Variants in DCX observed in about 807,000 individuals in gnomAD.
DCX encodes the protein neuronal migration protein doublecortin.
Under a neutral mutation model 20.9 loss-of-function variants are expected in DCX, and 4 were observed. The ratio of observed to expected loss-of-function variants is 0.19; its 90% CI spans 0.09 to 0.44. The LOEUF (loss-of-function observed/expected upper bound fraction) is 0.44, where lower values mean the gene tolerates loss of function less well. Among genes scored for constraint, DCX ranks in the 20% least tolerant of loss-of-function variants. The probability of loss-of-function intolerance (pLI) is 0.99; values close to 1 mark genes in which losing one functional copy is unlikely to be tolerated. For missense variants in DCX, 133 were observed against 296.9 expected (o/e 0.45, Z 4.06); for synonymous variants, 103 against 111.4 (o/e 0.92, Z 0.47).
At chrX:111,410,520 A>G (rs1928622564) in intron 1 of DCX, 100 bp from the exon 2 acceptor site, 15 of 1,066,866 alleles carry the variant, frequency 1.4e-5, no homozygotes, top group Admixed American at 4.6e-5. Context: ...CCAGATCCAG[A>G]TCTGCAATCT....
chrX:111,377,649 G>A (rs1348231397), intron 3 of DCX, among the ~76,000 whole-genome samples: 1 of 111,524 alleles, frequency 9.0e-6, no homozygotes, highest in Non-Finnish European at 1.9e-5. Context: ...GGAGGAGTGG[G>A]AATGCTTCCC....
At chrX:111,375,687 T>C (rs1247205391) in intron 3 of DCX, among the ~76,000 whole-genome samples, 4 of 111,922 alleles carry the variant, frequency 3.6e-5, no homozygotes, top group African/African-American at 1.3e-4. Flanking sequence ...ATAAAATCAG[T>C]TACCCAAGCC....
chrX:111,361,656 C>T (rs1924220394), intron 3 of DCX, among the ~76,000 whole-genome samples: 1 of 112,317 alleles, frequency 8.9e-6, no homozygotes, highest in African/African-American at 3.2e-5. Flanking sequence ...TATTTTCCAT[C>T]AAAGGCTCAT....
At chrX:111,356,706 A>T (rs767938270) in intron 3 of DCX, among the ~76,000 whole-genome samples, 2 of 112,259 alleles carry the variant, frequency 1.8e-5, no homozygotes, top group South Asian at 7.4e-4. Context: ...AATTAAACTG[A>T]CAGTTGAATG....
intron 3 of DCX, among the ~76,000 whole-genome samples, chrX:111,388,502 C>T: frequency 8.9e-6 from 1 of 111,774 alleles, no homozygotes; most frequent in Non-Finnish European, 1.9e-5. Flanking sequence ...TGCATTCTAC[C>T]CTATGGTCAT....
At chrX:111,346,062 T>C (rs1485483613) in intron 3 of DCX, among the ~76,000 whole-genome samples, 3 of 110,378 alleles carry the variant, frequency 2.7e-5, no homozygotes, top group Non-Finnish European at 5.7e-5. Context: ...TCTGTTCATA[T>C]CCCTTGCCCA....
chrX:111,385,042 C>T (rs963257611), intron 3 of DCX, among the ~76,000 whole-genome samples: 1 of 112,455 alleles, frequency 8.9e-6, no homozygotes, highest in Admixed American at 9.4e-5. Context: ...TCCTGTGTTG[C>T]GGGGCTTGGC....
chrX:111,353,606 T>C (rs1037777575), intron 3 of DCX, among the ~76,000 whole-genome samples: 1 of 111,781 alleles, frequency 8.9e-6, no homozygotes, highest in African/African-American at 3.3e-5. Context: ...ATCCTTTTTA[T>C]TATTATTTTA....
intron 3 of DCX, among the ~76,000 whole-genome samples, chrX:111,378,336 A>T (rs1925702999): frequency 9.0e-6 from 1 of 111,254 alleles, no homozygotes; most frequent in African/African-American, 3.3e-5. Context: ...TTACCTGGCT[A>T]GCTGCTTAAC....
Position 111,313,525 on chromosome X carries a change from A to AT in DCX, c.947-790dup, listed in dbSNP as rs779064477. Among the ~76,000 whole-genome samples the AT allele has an allele frequency of 1.5e-4, 17 of 112,143 alleles. 1 individual carries two copies. The South Asian group carries it at 6.4e-3, about 42-fold the overall frequency. The stretch of plus-strand genomic sequence containing the variant: ...AGGAAGTTGAAACAGGAAGAAAGGC[A>AT]TAGAGACACATAAAGATCCAAAATG... On this transcript the variant is annotated intron_variant, in intron 5 of 6. Transcript: ENST00000636035.
intron 5 of DCX, among the ~76,000 whole-genome samples, chrX:111,314,818 C>A (rs2095065870): frequency 8.9e-6 from 1 of 111,844 alleles, no homozygotes; most frequent in Non-Finnish European, 1.9e-5. Flanking sequence ...TTGCCAACAT[C>A]CTTTCATGTT....
At chrX:111,402,993 A>G (rs186174166) in intron 2 of DCX, among the ~76,000 whole-genome samples, 1 of 111,248 alleles carries the variant, frequency 9.0e-6, no homozygotes. Context: ...TCAATACCTC[A>G]GCCAAGAGAA....
chrX:111,388,125 G>T (rs916279332), intron 3 of DCX, among the ~76,000 whole-genome samples: 4 of 111,901 alleles, frequency 3.6e-5, no homozygotes, highest in Non-Finnish European at 7.5e-5. Context: ...AGAGAAGCCA[G>T]ACTTTAATGC....
At position 111,301,358 on chromosome X, in the gene DCX, T is replaced by A. The variant is rs1042898294; in HGVS notation, c.*329A>T. On this transcript the variant is annotated 3_prime_UTR_variant, in exon 7 of 7. Transcript: ENST00000636035. ...AGCCCTCTACAGAAGGAAGACTGTA[T>A]GGGCAAAATTAGACAGGGCAAATAT... 3.3e-6 allele frequency: 1 copy of A among 300,757 alleles called. No individual in the cohort carries two copies. The highest frequency in any genetic ancestry group is 4.8e-5 in the Admixed American group (1 of 20,865). 24.8% of individuals were successfully genotyped at this position (300,757 alleles called of 1,213,427 possible).
intron 5 of DCX, 94 bp from the exon 6 acceptor site, chrX:111,312,830 A>G: frequency 1.2e-6 from 1 of 849,559 alleles, no homozygotes; most frequent in Non-Finnish European, 1.7e-6. Context: ...AGAACATTCA[A>G]ACAAGGTACA....
In DCX at chrX:111,296,079, A is replaced by C. The variant is rs925748856; in HGVS notation, c.*5608T>G. 1.8e-5 allele frequency: 2 copies of C among 112,216 alleles called. No individual in the cohort carries two copies. The highest frequency in any genetic ancestry group is 3.8e-5 in the Non-Finnish European group (2 of 53,291). The allele number at this position is 112,216 out of a possible 1,213,427, so 9.2% of individuals were successfully genotyped here. A position where few individuals can be genotyped will look rare whatever the true frequency, so the allele number is the denominator to read the frequency against. On this transcript the variant is annotated 3_prime_UTR_variant, in exon 7 of 7. Coordinates refer to ENST00000636035, the MANE Select transcript of DCX (RefSeq NM_001195553.2). Reference sequence around the variant, plus strand: ...ATAAGAGGGAGAGACAGAATTGCACAGGAGAAAGGATGGATGTTTGTACTG... The same window carrying C: ...ATAAGAGGGAGAGACAGAATTGCACCGGAGAAAGGATGGATGTTTGTACTG...
chrX:111,342,512 C>T (rs1283449462), intron 3 of DCX, among the ~76,000 whole-genome samples: 1 of 104,352 alleles, frequency 9.6e-6, no homozygotes, highest in African/African-American at 3.4e-5. Context: ...ATCAACGAGA[C>T]AGAAAATTAA....
intron 3 of DCX, among the ~76,000 whole-genome samples, chrX:111,372,194 GCT>G (rs1925153335): frequency 8.9e-6 from 1 of 111,824 alleles, no homozygotes; most frequent in Admixed American, 9.5e-5. Context: ...AACACACAAA[GCT>G]CTCAGTGACA....
At chrX:111,406,631 T>A (rs1261315740) in intron 2 of DCX, among the ~76,000 whole-genome samples, 2 of 111,930 alleles carry the variant, frequency 1.8e-5, no homozygotes, top group Non-Finnish European at 3.8e-5. Context: ...GAAGTGCCAA[T>A]ACATGGAACA....
Sources: allele counts gnomAD v4.1 joint callset (sites outside exome capture counted in the v4.1 genomes callset), GRCh38; gene constraint gnomAD v4.1.1; transcripts MANE v1.5; gene names NCBI Gene and HGNC (gene_info 2026-07-23, HGNC 2026-07-21).